Variants in NTSR1 observed in about 807,000 individuals in gnomAD.
NTSR1 encodes neurotensin receptor type 1.
In NTSR1, 29 loss-of-function variants were observed where a neutral mutation model predicts 31.2. The ratio of observed to expected loss-of-function variants is 0.93; its 90% confidence interval spans 0.69 to 1.27. NTSR1 has a LOEUF of 1.27. Ranked by LOEUF, NTSR1 falls within the 50% of genes most tolerant of loss-of-function variation. The pLI is 0.00. For missense variants in NTSR1, 697 were observed against 595.4 expected (o/e 1.17, Z -1.78); for synonymous variants, 282 against 269.9 (o/e 1.04, Z -0.44).
At chr20:62,747,832 A>G (rs1989327285) in intron 1 of NTSR1, among the ~76,000 whole-genome samples, 1 of 152,248 alleles carries the variant, frequency 6.6e-6, no homozygotes, top group African/African-American at 2.4e-5. Context: ...CAAAATTGGC[A>G]TATGAAAATA....
At chr20:62,717,060 A>G (rs1988742108) in intron 1 of NTSR1, among the ~76,000 whole-genome samples, 1 of 152,234 alleles carries the variant, frequency 6.6e-6, no homozygotes, top group Admixed American at 6.5e-5. Flanking sequence ...CTGCAGCGTC[A>G]ATGAAGAAAC....
Position 62,734,188 on chromosome 20 carries a change from C to T in NTSR1, c.715-20497C>T, listed in dbSNP as rs561465567. ...GTGGGTTACTACTGAGTTCACTCTT[C>T]AGCCCTGGTGGGGGACGGGCAAGAG... On this transcript the variant is annotated intron_variant, in intron 1 of 3. Coordinates refer to ENST00000370501, the MANE Select transcript of NTSR1 (RefSeq NM_002531.3). Among the ~76,000 whole-genome samples, 5 of 152,094 alleles carry T rather than the reference C, an allele frequency of 3.3e-5. No individual in the cohort carries two copies. In the East Asian group the frequency reaches 7.7e-4, roughly 24 times the overall value.
chr20:62,746,885 G>A (rs1989309764), intron 1 of NTSR1, among the ~76,000 whole-genome samples: 2 of 152,210 alleles, frequency 1.3e-5, no homozygotes, highest in South Asian at 4.1e-4. Flanking sequence ...CCGAAAATGT[G>A]AAGAGGAAGG....
chr20:62,710,052 G>C, intron 1 of NTSR1, 131 bp downstream of exon 1: 1 of 805,784 alleles, frequency 1.2e-6, no homozygotes, highest in Non-Finnish European at 1.9e-6. Context: ...CTGGGAAGGC[G>C]GTTGGGGCAG....
In NTSR1 at chr20:62,733,673, A is replaced by G. The variant is rs1020029830; in HGVS notation, c.715-21012A>G. On this transcript the variant is annotated intron_variant, in intron 1 of 3. Coordinates refer to ENST00000370501, the MANE Select transcript of NTSR1 (RefSeq NM_002531.3). The surrounding 1 kb of genome is among the most constrained non-coding windows in gnomAD (Gnocchi z 5.2). ...GAGAGAGGGAGAGAGAAAAGGAAAG[A>G]GAGGAGAGAGGGAAAGGCAGAGAGA... Among the ~76,000 whole-genome samples the G allele has an allele frequency of 6.6e-6, 1 of 151,874 alleles. No homozygotes were observed. Among genetic ancestry groups the G allele is most frequent in the Admixed American group, 6.6e-5 (1 of 15,258 alleles).
intron 1 of NTSR1, 101 bp downstream of exon 1, chr20:62,710,022 G>A: frequency 9.8e-7 from 1 of 1,024,022 alleles, no homozygotes. Context: ...ATGTCACAGA[G>A]ACAGTCTACT....
In NTSR1 at chr20:62,760,287, G is replaced by A; in HGVS notation, c.*20G>A. On this transcript the variant is annotated 3_prime_UTR_variant, in exon 4 of 4. Coordinates refer to ENST00000370501, the MANE Select transcript of NTSR1 (RefSeq NM_002531.3). ...TACTAGGCTGTGCGCCCCGGAACGTGTCCAGGAGGAGCCTGGCCATGGGTC... is the reference window on the plus strand; with the variant it reads ...TACTAGGCTGTGCGCCCCGGAACGTATCCAGGAGGAGCCTGGCCATGGGTC... 6.3e-7 allele frequency: 1 copy of A among 1,585,276 alleles called. No individual in the cohort carries two copies. The highest frequency in any genetic ancestry group is 1.3e-5 in the African/African-American group (1 of 74,666).
intron 1 of NTSR1, among the ~76,000 whole-genome samples, chr20:62,737,597 A>G (rs1320178545): frequency 6.6e-6 from 1 of 152,062 alleles, no homozygotes; most frequent in African/African-American, 2.4e-5. Context: ...CGGCCTGAGG[A>G]GAGCCTGGAG....
intron 1 of NTSR1, among the ~76,000 whole-genome samples, chr20:62,734,449 T>C (rs1311384535): frequency 6.6e-6 from 1 of 152,250 alleles, no homozygotes; most frequent in Non-Finnish European, 1.5e-5. Context: ...TTTTAGGTGG[T>C]TGAAAATGAG....
rs752148363 is a variant in NTSR1 at position 62,709,236 on chromosome 20, C to G, written c.29C>G (p.Thr10Ser). ...CGCCTCAACAGCTCCGCGCCGGGAACCCCGGGCACGCCGGCCGCCGACCCC... is the reference window on the plus strand; with the variant it reads ...CGCCTCAACAGCTCCGCGCCGGGAAGCCCGGGCACGCCGGCCGCCGACCCC... MRLNSSAPG[T>S]PGTPAADPFQ... The change falls in exon 1 of 4, where the codon ACC becomes AGC. Residue 10 changes from threonine (T) to serine (S), a missense_variant. Physicochemically the swap from Thr to Ser is moderately conservative, Grantham distance 58. Coordinates refer to ENST00000370501, the MANE Select transcript of NTSR1 (RefSeq NM_002531.3). 6.7e-7 allele frequency: 1 copy of G among 1,499,302 alleles called. No homozygotes were observed. Among genetic ancestry groups the G allele is most frequent in the African/African-American group, 1.4e-5 (1 of 70,966 alleles). 92.9% of individuals were successfully genotyped at this position (1,499,302 alleles called of 1,614,324 possible). A position where few individuals can be genotyped will look rare whatever the true frequency, so the allele number is the denominator to read the frequency against.
rs1989289423 is a variant in NTSR1, at chr20:62,745,749, T to C, written c.715-8936T>C. Reference sequence around the variant, plus strand: ...ACTGGATGGCCTTCTCTACAGCTGCTGAACAGCCTCGCCGTCCCCAGGGCT... The same window carrying C: ...ACTGGATGGCCTTCTCTACAGCTGCCGAACAGCCTCGCCGTCCCCAGGGCT... On this transcript the variant is annotated intron_variant, in intron 1 of 3. Transcript: ENST00000370501. This position sits in a 1 kb window ranked among gnomAD's most constrained non-coding sequence, Gnocchi z 4.1. Among the ~76,000 whole-genome samples, 1 of 152,262 alleles carries C rather than the reference T, an allele frequency of 6.6e-6. No individual in the cohort carries two copies. Among genetic ancestry groups the C allele is most frequent in the Admixed American group, 6.5e-5 (1 of 15,290 alleles).
chr20:62,754,741 C>T lies in NTSR1; in HGVS notation c.771C>T (p.Thr257=). The T allele has an allele frequency of 6.2e-7, 1 of 1,612,906 alleles. No homozygotes were observed. The highest frequency in any genetic ancestry group is 1.3e-5 in the African/African-American group (1 of 74,984). ...TGGTGGTCATCTCGGTCCTGAACAC[C>T]ATCATCGCCAACAAGCTGACCGTCA... ...FPMVVISVLN[T]IIANKLTVMV... Residue 257 remains threonine, a synonymous_variant, in exon 2 of 4, where the codon ACC becomes ACT. Transcript: ENST00000370501.
At chr20:62,713,311 C>G (rs1988653093) in intron 1 of NTSR1, among the ~76,000 whole-genome samples, 1 of 152,200 alleles carries the variant, frequency 6.6e-6, no homozygotes. Flanking sequence ...GGCACCTGCT[C>G]CCTCCCAGGG....
At chr20:62,738,269 G>A (rs112333504) in intron 1 of NTSR1, among the ~76,000 whole-genome samples, 3,365 of 152,310 alleles carry the variant, frequency 0.022, 86 homozygotes, top group African/African-American at 0.057. Context: ...TGAACCCAGG[G>A]ACAGGGACAG....
chr20:62,755,128 CCA>C (rs1989463826), intron 2 of NTSR1, among the ~76,000 whole-genome samples: 1 of 125,362 alleles, frequency 8.0e-6, no homozygotes, highest in African/African-American at 3.4e-5. Context: ...CTCCCTCCAT[CCA>C]TCCTTCCTTC....
At chr20:62,738,026 C>G (rs1378811068) in intron 1 of NTSR1, among the ~76,000 whole-genome samples, 1 of 152,232 alleles carries the variant, frequency 6.6e-6, no homozygotes, top group Non-Finnish European at 1.5e-5. Flanking sequence ...CCGCAACAGC[C>G]GCATCCCTTT....
In NTSR1 at chr20:62,709,359, G is replaced by C. The variant is rs1988545370; in HGVS notation, c.152G>C (p.Ser51Thr). The C allele has an allele frequency of 1.2e-6, 2 of 1,609,768 alleles. No homozygotes were observed. The highest frequency in any genetic ancestry group is 1.7e-6 in the Non-Finnish European group (2 of 1,178,294). ...TCGGAGCGCGTCCTGGCGGCACCCAGCAGCGAGCTGGACGTGAACACCGAC... is the reference window on the plus strand; with the variant it reads ...TCGGAGCGCGTCCTGGCGGCACCCACCAGCGAGCTGGACGTGAACACCGAC... Reference protein sequence around the residue: ...NASERVLAAPSSELDVNTDIY... With the variant: ...NASERVLAAPTSELDVNTDIY... Residue 51 changes from serine to threonine, a missense_variant, in exon 1 of 4, where the codon AGC (serine) becomes ACC (threonine). Coordinates refer to ENST00000370501, the MANE Select transcript of NTSR1 (RefSeq NM_002531.3).
chr20:62,710,587 C>T (rs190917000), intron 1 of NTSR1, among the ~76,000 whole-genome samples: 25 of 152,078 alleles, frequency 1.6e-4, no homozygotes, highest in Admixed American at 7.2e-4. Context: ...TGAGGATCTG[C>T]GTGTGGCGGC....
intron 1 of NTSR1, among the ~76,000 whole-genome samples, chr20:62,747,585 T>C (rs558457084): frequency 2.2e-4 from 33 of 152,340 alleles, no homozygotes; most frequent in Admixed American, 3.9e-4. Context: ...AAGCTTTTTC[T>C]CTAAGGTCAG....
Sources: gnomAD v4.1 joint callset for allele counts (sites outside exome capture counted in the v4.1 genomes callset) on GRCh38, gnomAD v4.1.1 for gene constraint, Gnocchi (gnomAD v3.1) non-coding constraint, MANE v1.5 for transcripts, NCBI Gene and HGNC (gene_info 2026-07-23, HGNC 2026-07-21) for gene names.